SUZ12: variants seen among roughly 807,000 people sequenced by gnomAD.
The protein encoded by SUZ12 is polycomb protein SUZ12.
SUZ12 carries 17 observed loss-of-function variants against 87.3 expected under a neutral mutation model. That is an observed-to-expected ratio of 0.19 (90% CI 0.13 to 0.29). The LOEUF is 0.29. Ranked by LOEUF, SUZ12 falls within the 10% of genes least tolerant of loss-of-function variation. The probability of loss-of-function intolerance (pLI) is 1.00; values close to 1 mark genes in which losing one functional copy is unlikely to be tolerated. For missense variants in SUZ12, 526 were observed against 912.2 expected (o/e 0.58, Z 5.45); for synonymous variants, 253 against 312.4 (o/e 0.81, Z 2.01).
intron 8 of SUZ12, among the ~76,000 whole-genome samples, chr17:31,981,757 TG>T (rs1909123563): frequency 1.3e-5 from 2 of 152,258 alleles, no homozygotes; most frequent in Non-Finnish European, 2.9e-5. Context: ...ATTCATTTGC[TG>T]GATCTGGCTA....
At chr17:31,982,962 C>T (rs544948656) in intron 8 of SUZ12, 37 bp from the exon 9 acceptor site, 1 of 1,532,418 alleles carries the variant, frequency 6.5e-7, no homozygotes, top group East Asian at 2.3e-5. Context: ...ATAGTAATAA[C>T]ACAGGTTACT....
At chr17:31,980,649 T>C (rs1243620945) in intron 8 of SUZ12, among the ~76,000 whole-genome samples, 1 of 151,796 alleles carries the variant, frequency 6.6e-6, no homozygotes, top group African/African-American at 2.4e-5. Flanking sequence ...GGTTTCTCCC[T>C]GTTGGTCAGG....
At position 31,955,322 on chromosome 17, in the gene SUZ12, G is replaced by C. The variant is rs769541690; in HGVS notation, c.455+7637G>C. Reference sequence around the variant, plus strand: ...TAGGAGACAGGGTCTCACTTCATCAGCCAGGCTGGATTGCAATTGTGCGAT... The same window carrying C: ...TAGGAGACAGGGTCTCACTTCATCACCCAGGCTGGATTGCAATTGTGCGAT... On this transcript the variant is annotated intron_variant, in intron 4 of 15. Transcript: ENST00000322652. Among the ~76,000 whole-genome samples the C allele has an allele frequency of 1.1e-4, 16 of 151,526 alleles. No individual in the cohort carries two copies. The East Asian group carries it at 2.1e-3, about 20-fold the overall frequency.
intron 1 of SUZ12, 54 bp from the exon 2 acceptor site, chr17:31,940,232 T>C: frequency 6.4e-6 from 10 of 1,573,182 alleles, no homozygotes; most frequent in East Asian, 2.2e-5. Flanking sequence ...TCGGTTGATA[T>C]TTTTCTGACA....
intron 3 of SUZ12, among the ~76,000 whole-genome samples, chr17:31,946,499 T>C (rs1906645674): frequency 6.6e-6 from 1 of 152,176 alleles, no homozygotes; most frequent in Admixed American, 6.5e-5. Context: ...GTCATTGTAC[T>C]CCAGCCTGGG....
chr17:31,996,592 C>T (rs767195731), intron 14 of SUZ12, among the ~76,000 whole-genome samples: 5 of 152,130 alleles, frequency 3.3e-5, no homozygotes, highest in African/African-American at 4.8e-5. Context: ...GTACTTCAGC[C>T]TGGGCGATAG....
At chr17:31,958,992 T>C (rs562540057) in intron 4 of SUZ12, among the ~76,000 whole-genome samples, 1 of 152,354 alleles carries the variant, frequency 6.6e-6, no homozygotes, top group South Asian at 2.1e-4. Flanking sequence ...CACTCCAGCC[T>C]GGGTGACAGA....
In SUZ12 at chr17:31,975,638, T is replaced by C; in HGVS notation, c.748T>C (p.Leu250=). Residue 250 remains leucine, a synonymous_variant, in exon 7 of 16, where the codon TTG becomes CTG. Coordinates refer to ENST00000322652, the MANE Select transcript of SUZ12 (RefSeq NM_015355.4). ...SNSHMVKSYS[L]LFRVTRPGRR... ...CAGCCATATGGTGAAGTCTTACTCG[T>C]TGCTATTTAGAGTGACTCGTCCAGG... The C allele has an allele frequency of 6.2e-7, 1 of 1,613,988 alleles. No individual in the cohort carries two copies. The highest frequency in any genetic ancestry group is 8.5e-7 in the Non-Finnish European group (1 of 1,179,960).
chr17:31,944,884 T>G (rs1449617806), intron 3 of SUZ12, among the ~76,000 whole-genome samples: 2 of 152,052 alleles, frequency 1.3e-5, no homozygotes, highest in Non-Finnish European at 2.9e-5. Flanking sequence ...CCTGGCAACA[T>G]AGTGAGACCC....
At chr17:31,986,031 C>T (rs530859405) in intron 9 of SUZ12, among the ~76,000 whole-genome samples, 6 of 151,238 alleles carry the variant, frequency 4.0e-5, no homozygotes, top group Admixed American at 2.0e-4. Flanking sequence ...TGCAATGGCG[C>T]GGTCTCAGTT....
At chr17:31,971,776 T>TA (rs1908446174) in intron 5 of SUZ12, among the ~76,000 whole-genome samples, 3 of 152,108 alleles carry the variant, frequency 2.0e-5, no homozygotes, top group African/African-American at 7.2e-5. Flanking sequence ...AAGCTTTAAC[T>TA]GTATTTGTCA....
At chr17:31,972,310 T>C (rs73282233) in intron 5 of SUZ12, among the ~76,000 whole-genome samples, 6,956 of 151,056 alleles carry the variant, frequency 0.046, 508 homozygotes, top group African/African-American at 0.16. Flanking sequence ...AATATATATA[T>C]GTGTATATAT....
At chr17:31,950,803 G>A (rs893655081) in intron 4 of SUZ12, among the ~76,000 whole-genome samples, 64 of 151,320 alleles carry the variant, frequency 4.2e-4, no homozygotes, top group Admixed American at 3.7e-3. Flanking sequence ...TTTTTGAGAC[G>A]GAGTCTCGCT....
intron 5 of SUZ12, 133 bp downstream of exon 5, chr17:31,966,329 G>T (rs1414687767): frequency 3.7e-6 from 3 of 811,228 alleles, no homozygotes; most frequent in Admixed American, 5.8e-5. Context: ...TGATGTTTTT[G>T]AACTTTAAGG....
chr17:31,952,327 C>T (rs1475041803), intron 4 of SUZ12, among the ~76,000 whole-genome samples: 1 of 151,706 alleles, frequency 6.6e-6, no homozygotes, highest in Non-Finnish European at 1.5e-5. Context: ...CCCAAAGTTC[C>T]GGGATTACAG....
intron 7 of SUZ12, among the ~76,000 whole-genome samples, chr17:31,975,952 G>C (rs1456898292): frequency 6.6e-6 from 1 of 152,174 alleles, no homozygotes; most frequent in African/African-American, 2.4e-5. Context: ...TATTATACTT[G>C]TTGTGTATTT....
At chr17:31,990,479 T>A (rs1239555358) in intron 10 of SUZ12, among the ~76,000 whole-genome samples, 2 of 151,954 alleles carry the variant, frequency 1.3e-5, no homozygotes, top group African/African-American at 4.8e-5. Context: ...TTCTCCTGCC[T>A]CAGCCTCCCG....
chr17:31,946,675 G>A (rs1906656508), intron 3 of SUZ12, among the ~76,000 whole-genome samples: 1 of 152,168 alleles, frequency 6.6e-6, no homozygotes, highest in African/African-American at 2.4e-5. Flanking sequence ...TCCTAAAGAG[G>A]AAGGGACTAT....
At position 31,993,916 on chromosome 17, in the gene SUZ12, C is replaced by T; in HGVS notation, c.1345C>T (p.His449Tyr). 6.2e-7 allele frequency: 1 copy of T among 1,613,692 alleles called. No homozygotes were observed. Among genetic ancestry groups the T allele is most frequent in the South Asian group, 1.1e-5 (1 of 91,056 alleles). Reference protein sequence around the residue: ...RQQTEARDDLHCPWCTLNCRK... With the variant: ...RQQTEARDDLYCPWCTLNCRK... ...ACAAACTGAAGCAAGAGATGACCTG[C>T]ATTGCCCTTGGTGTACTCTGAACTG... The change falls in exon 12 of 16, where the codon CAT (histidine) becomes TAT (tyrosine). Residue 449 changes from histidine to tyrosine, a missense_variant. Physicochemically the swap from His to Tyr is moderately conservative, Grantham distance 83 (BLOSUM62 2). Around this residue, in one of 9 missense-constraint regions of SUZ12, gnomAD observed 143 missense variants for 321.6 expected, o/e 0.44. Transcript: ENST00000322652.
Sources: allele counts gnomAD v4.1 joint callset (sites outside exome capture counted in the v4.1 genomes callset), GRCh38; gene constraint gnomAD v4.1.1; regional missense constraint gnomAD v4.1.1; transcripts MANE v1.5; gene names NCBI Gene and HGNC (gene_info 2026-07-23, HGNC 2026-07-21).